The following DIPK2B variants were observed in gnomAD, a reference collection of about 807,000 sequenced individuals.
DIPK2B encodes UPF0672 protein CXorf36.
In DIPK2B, 15 loss-of-function variants were observed where a neutral mutation model predicts 22.2. The observed-to-expected ratio is 0.68, with a 90% confidence interval of 0.45 to 1.04. DIPK2B has a LOEUF of 1.04. Among genes scored for constraint, DIPK2B ranks in the 50% least tolerant of loss-of-function variants. DIPK2B has a pLI of 0.00. For missense variants in DIPK2B, 345 were observed against 348.3 expected (o/e 0.99, Z 0.08); for synonymous variants, 163 against 153.2 (o/e 1.06, Z -0.47).
At chrX:45,167,964 C>T (rs950644395) in intron 2 of DIPK2B, among the ~76,000 whole-genome samples, 3 of 112,595 alleles carry the variant, frequency 2.7e-5, no homozygotes, top group South Asian at 3.6e-4. Flanking sequence ...GGATTATAGG[C>T]GTGAGCCACT....
At chrX:45,189,608 T>C (rs181360076) in intron 2 of DIPK2B, among the ~76,000 whole-genome samples, 107 of 84,675 alleles carry the variant, frequency 1.3e-3, no homozygotes, top group African/African-American at 4.1e-3. Context: ...AGTGAAACTC[T>C]GTCTCAACAA....
In DIPK2B at chrX:45,151,555, T is replaced by A; in HGVS notation, c.*97A>T. On this transcript the variant is annotated 3_prime_UTR_variant, in exon 5 of 5. Coordinates refer to ENST00000398000, the MANE Select transcript of DIPK2B (RefSeq NM_176819.4). ...AAATGAGTGTGCCTTTCTTCTCATC[T>A]TTAAAAAAGAGCTGCTTCTTTCTAC... The A allele has an allele frequency of 1.2e-6, 1 of 854,981 alleles. No individual in the cohort carries two copies. Among genetic ancestry groups the A allele is most frequent in the Non-Finnish European group, 1.7e-6 (1 of 602,980 alleles). The allele number at this position is 854,981 out of a possible 1,213,427, so 70.5% of individuals were successfully genotyped here.
intron 2 of DIPK2B, among the ~76,000 whole-genome samples, chrX:45,185,653 CTTTT>C (rs147218566): frequency 1.2e-5 from 1 of 86,435 alleles, no homozygotes. Context: ...CTTTTCTTTT[CTTTT>C]TTTTTTTTTT....
chrX:45,163,221 GCAT>G (rs2047030981), intron 2 of DIPK2B: 1 of 215,739 alleles, frequency 4.6e-6, no homozygotes, highest in Non-Finnish European at 6.7e-6. Flanking sequence ...GCAAACTACA[GCAT>G]CAGCTCCTGC....
At chrX:45,166,486 G>T (rs1212462723) in intron 2 of DIPK2B, among the ~76,000 whole-genome samples, 3 of 110,991 alleles carry the variant, frequency 2.7e-5, no homozygotes, top group Admixed American at 1.9e-4. Context: ...TAAGAGGGGG[G>T]ATGACAGTGT....
At chrX:45,187,711 T>C (rs1234668882) in intron 2 of DIPK2B, among the ~76,000 whole-genome samples, 1 of 111,649 alleles carries the variant, frequency 9.0e-6, no homozygotes, top group East Asian at 2.8e-4. Context: ...CTTTATTTAT[T>C]CATAAGCAGG....
chrX:45,188,441 C>T (rs1349938696), intron 2 of DIPK2B, among the ~76,000 whole-genome samples: 1 of 112,162 alleles, frequency 8.9e-6, no homozygotes, highest in Non-Finnish European at 1.9e-5. Flanking sequence ...AGAGGGCTAA[C>T]AGTGAAATGC....
At chrX:45,159,010 GC>G (rs2047009865) in intron 2 of DIPK2B, among the ~76,000 whole-genome samples, 1 of 110,934 alleles carries the variant, frequency 9.0e-6, no homozygotes, top group South Asian at 3.8e-4. Context: ...GCCCTGCCCT[GC>G]CCCCCTCTCC....
chrX:45,179,264 A>G (rs2047135816), intron 2 of DIPK2B, among the ~76,000 whole-genome samples: 1 of 111,457 alleles, frequency 9.0e-6, no homozygotes, highest in Admixed American at 9.7e-5. Context: ...TTTGAGAGCA[A>G]TTTAGTTGGC....
chrX:45,170,117 G>A (rs751589496), intron 2 of DIPK2B, among the ~76,000 whole-genome samples: 45 of 109,723 alleles, frequency 4.1e-4, no homozygotes, highest in Non-Finnish European at 7.4e-4. Flanking sequence ...GGTGGCAGGC[G>A]CCTGTAATCC....
At chrX:45,183,153 G>C (rs2047163915) in intron 2 of DIPK2B, 1 of 112,308 alleles carries the variant, frequency 8.9e-6, no homozygotes, top group South Asian at 3.7e-4. Context: ...AAAGCACAGA[G>C]TATGAAGAAA....
chrX:45,198,978 G>A (rs766665921), intron 1 of DIPK2B, among the ~76,000 whole-genome samples: 16 of 111,183 alleles, frequency 1.4e-4, no homozygotes, highest in South Asian at 1.1e-3. Flanking sequence ...CCACCAGTCC[G>A]TCCTGTCCAC....
At position 45,200,772 on chromosome X, in the gene DIPK2B, G is replaced by A; in HGVS notation, c.55C>T (p.Leu19=). Residue 19 remains leucine, a synonymous_variant, in exon 1 of 5, where the codon CTG becomes TTG. Transcript: ENST00000398000. ...CTCAGGGCTGAGACCCACAGCAGCA[G>A]GGCCAGCCAGCCAGGGCGGAGGGCG... is the stretch of plus-strand genomic sequence containing the variant. ...AAALRPGWLA[L]LLWVSALSCS... The A allele has an allele frequency of 8.3e-7, 1 of 1,209,134 alleles. No individual in the cohort carries two copies. Among genetic ancestry groups the A allele is most frequent in the Non-Finnish European group, 1.1e-6 (1 of 893,894 alleles).
chrX:45,157,750 T>A lies in DIPK2B; in HGVS notation c.637A>T (p.Thr213Ser), dbSNP rs755738809. Residue 213 changes from threonine to serine, a missense_variant, in exon 3 of 5, where the codon ACG becomes TCG. By Grantham distance (58) the Thr-to-Ser change is moderately conservative. Transcript: ENST00000398000. ...TDRDKLRLLY[T>S]LAVNSHPILL... ...ATGGGGTGCGAGTTGACAGCCAGCG[T>A]GTAGAGCAGGCGCAGCTTGTCACGG... 5.9e-6 allele frequency: 7 copies of A among 1,195,628 alleles called. No individual in the cohort carries two copies. In the Admixed American group the frequency reaches 1.6e-4, roughly 27 times the overall value.
intron 3 of DIPK2B, among the ~76,000 whole-genome samples, chrX:45,154,810 ACTTT>A (rs1569544281): frequency 1.8e-5 from 2 of 110,063 alleles, no homozygotes; most frequent in African/African-American, 6.6e-5. Flanking sequence ...TTAAAGCAAA[ACTTT>A]TTTTTTTTTT....
intron 1 of DIPK2B, among the ~76,000 whole-genome samples, chrX:45,200,189 C>T (rs1328330229): frequency 5.4e-5 from 6 of 111,731 alleles, no homozygotes; most frequent in African/African-American, 1.6e-4. Context: ...CTTTATCTGG[C>T]TATGTCTCAG....
intron 2 of DIPK2B, among the ~76,000 whole-genome samples, chrX:45,165,784 C>G (rs1160632509): frequency 8.9e-6 from 1 of 112,332 alleles, no homozygotes; most frequent in Non-Finnish European, 1.9e-5. Flanking sequence ...CTCCAGCTCT[C>G]TCTTTGGAAT....
Position 45,149,928 on chromosome X carries a change from C to T in DIPK2B, c.*1724G>A, listed in dbSNP as rs771625653. 1 of 112,666 alleles carries T rather than the reference C, an allele frequency of 8.9e-6. No homozygotes were observed. Among genetic ancestry groups the T allele is most frequent in the African/African-American group, 3.2e-5 (1 of 30,974 alleles). 9.3% of individuals were successfully genotyped at this position (112,666 alleles called of 1,213,427 possible). On this transcript the variant is annotated 3_prime_UTR_variant, in exon 5 of 5. Coordinates refer to ENST00000398000, the MANE Select transcript of DIPK2B (RefSeq NM_176819.4). ...ACGGAGTCTCGCTGTGTCATCCAGG[C>T]TGGAGTACAGTGGCGTGATCTTGGC...
intron 2 of DIPK2B, among the ~76,000 whole-genome samples, chrX:45,185,536 T>C (rs2047177406): frequency 9.0e-6 from 1 of 111,138 alleles, no homozygotes; most frequent in South Asian, 3.8e-4. Flanking sequence ...GAGCCACTGG[T>C]GACTTGTCTC....
Sources: gnomAD v4.1 joint callset for allele counts (sites outside exome capture counted in the v4.1 genomes callset) on GRCh38, gnomAD v4.1.1 for gene constraint, MANE v1.5 for transcripts, NCBI Gene and HGNC (gene_info 2026-07-23, HGNC 2026-07-21) for gene names.